MRPS31: variants seen among roughly 807,000 people sequenced by gnomAD.
MRPS31 encodes the protein mitochondrial ribosomal protein S31, also known as small ribosomal subunit protein mS31.
In MRPS31, 32 loss-of-function variants were observed where a neutral mutation model predicts 43.1. That is an observed-to-expected ratio of 0.74 (90% CI 0.56 to 1.00). The LOEUF is 1.00. Among genes scored for constraint, MRPS31 ranks in the 50% least tolerant of loss-of-function variants. MRPS31 has a pLI of 0.00. For synonymous variants in MRPS31, 165 were observed against 161.6 expected (o/e 1.02, Z -0.16); for missense variants, 437 against 466.7 (o/e 0.94, Z 0.59).
At chr13:40,732,996 T>C (rs1879747842) in intron 6 of MRPS31, among the ~76,000 whole-genome samples, 1 of 55,984 alleles carries the variant, frequency 1.8e-5, no homozygotes, top group Admixed American at 1.8e-4. Flanking sequence ...TGCATTTGGT[T>C]TTTTTTTTTT....
chr13:40,736,983 T>G (rs1169818655), intron 6 of MRPS31, among the ~76,000 whole-genome samples: 18 of 150,590 alleles, frequency 1.2e-4, no homozygotes, highest in South Asian at 4.2e-4. Flanking sequence ...AGACACAGAC[T>G]GGCAAATTGG....
rs764139174 is a variant in MRPS31 at position 40,745,718 on chromosome 13, G to A, written c.958+3420C>T. Among the ~76,000 whole-genome samples the A allele has an allele frequency of 2.0e-4, 31 of 151,780 alleles. 1 individual carries two copies. The highest frequency in any genetic ancestry group is 3.2e-4 in the Non-Finnish European group (22 of 67,974). On this transcript the variant is annotated intron_variant, in intron 6 of 6. Coordinates refer to ENST00000323563, the MANE Select transcript of MRPS31 (RefSeq NM_005830.4). ...TCAAATTACCACTTTCTTCTTTCAC[G>A]GATCATGTTTTTATGTTGTATTAAA... is the stretch of plus-strand genomic sequence containing the variant.
intron 6 of MRPS31, among the ~76,000 whole-genome samples, chr13:40,735,443 C>A (rs1473309796): frequency 6.6e-6 from 1 of 152,178 alleles, no homozygotes; most frequent in Non-Finnish European, 1.5e-5. Context: ...CTCAAGGAGG[C>A]CTGCCTGCCT....
chr13:40,756,657 G>T (rs1317761890), intron 4 of MRPS31, among the ~76,000 whole-genome samples: 1 of 152,178 alleles, frequency 6.6e-6, no homozygotes, highest in Non-Finnish European at 1.5e-5. Flanking sequence ...GGCCCGTTTT[G>T]ATTTCAGGTA....
intron 6 of MRPS31, among the ~76,000 whole-genome samples, chr13:40,733,512 A>T (rs1293141745): frequency 6.6e-6 from 1 of 152,238 alleles, no homozygotes; most frequent in African/African-American, 2.4e-5. Flanking sequence ...TGTCTAGAAC[A>T]ATGATTGTAA....
chr13:40,740,484 C>T (rs1255460193), intron 6 of MRPS31, among the ~76,000 whole-genome samples: 1 of 137,062 alleles, frequency 7.3e-6, no homozygotes, highest in African/African-American at 3.0e-5. Flanking sequence ...GACAAATGCA[C>T]ACGTATGTTT....
At chr13:40,749,007 A>T (rs1566107710) in intron 6 of MRPS31, 131 bp downstream of exon 6, 2 of 835,920 alleles carry the variant, frequency 2.4e-6, no homozygotes, top group Admixed American at 6.3e-5. Context: ...TGTCAGATTT[A>T]TTTTAGGACA....
At chr13:40,734,990 A>G (rs992982785) in intron 6 of MRPS31, among the ~76,000 whole-genome samples, 81 of 152,234 alleles carry the variant, frequency 5.3e-4, no homozygotes, top group African/African-American at 1.7e-3. Flanking sequence ...GACGCAGAAG[A>G]CGGGTGATTT....
intron 5 of MRPS31, among the ~76,000 whole-genome samples, chr13:40,752,946 G>T (rs569638683): frequency 6.6e-6 from 1 of 152,154 alleles, no homozygotes; most frequent in East Asian, 1.9e-4. Context: ...TGTTGCCCAG[G>T]CTGGTCTTGA....
intron 6 of MRPS31, among the ~76,000 whole-genome samples, chr13:40,742,867 C>T (rs1306577087): frequency 6.6e-6 from 1 of 152,166 alleles, no homozygotes; most frequent in Non-Finnish European, 1.5e-5. Context: ...AAGACTGAAA[C>T]TGGACCCCTA....
chr13:40,764,135 T>C (rs948818043), intron 2 of MRPS31, among the ~76,000 whole-genome samples: 5 of 152,220 alleles, frequency 3.3e-5, no homozygotes, highest in African/African-American at 1.2e-4. Context: ...CAGTTCACAG[T>C]AACATTACAG....
chr13:40,749,070 A>G, intron 6 of MRPS31, 68 bp downstream of exon 6: 1 of 1,490,722 alleles, frequency 6.7e-7, no homozygotes, highest in Non-Finnish European at 9.0e-7. Flanking sequence ...TCTATACTCT[A>G]AAAGTAAATA....
rs1206903531 is a variant in MRPS31 at position 40,771,172 on chromosome 13, A to G, written c.-36T>C. The G allele has an allele frequency of 1.3e-6, 2 of 1,558,702 alleles. No individual in the cohort carries two copies. The highest frequency in any genetic ancestry group is 2.7e-5 in the African/African-American group (2 of 73,094). ...CGAAATGAACCAAGAACACAACTGAAATGGTGCGTCCCGCTGCCAAACACG... is the reference window on the plus strand; with the variant it reads ...CGAAATGAACCAAGAACACAACTGAGATGGTGCGTCCCGCTGCCAAACACG... On this transcript the variant is annotated 5_prime_UTR_variant, in exon 1 of 7. Transcript: ENST00000323563.
At chr13:40,763,089 G>C (rs999510283) in intron 2 of MRPS31, among the ~76,000 whole-genome samples, 4 of 152,152 alleles carry the variant, frequency 2.6e-5, no homozygotes, top group African/African-American at 9.7e-5. Flanking sequence ...AAATGAATCA[G>C]GTTAAGAGGA....
At chr13:40,750,927 G>A (rs1174581974) in intron 5 of MRPS31, among the ~76,000 whole-genome samples, 2 of 151,730 alleles carry the variant, frequency 1.3e-5, no homozygotes, top group Non-Finnish European at 2.9e-5. Flanking sequence ...AACAGTTTCC[G>A]GGTTAGAGGC....
chr13:40,758,981 C>A lies in MRPS31; in HGVS notation c.566G>T (p.Arg189Met). 6.2e-7 allele frequency: 1 copy of A among 1,606,352 alleles called. No individual in the cohort carries two copies. The highest frequency in any genetic ancestry group is 8.5e-7 in the Non-Finnish European group (1 of 1,177,646). ...SQLQQHEEESRAQRDAKRPKI... is the reference protein window; with the variant it reads ...SQLQQHEEESMAQRDAKRPKI... The stretch of plus-strand genomic sequence containing the variant: ...AGGTCGCTTTGCATCTCTCTGTGCC[C>A]TTGACTCTTCCTCATGCTGCTGGAG... Residue 189 changes from arginine (R) to methionine (M), a missense_variant, in exon 3 of 7, where the codon AGG becomes ATG. By Grantham distance (91) the Arg-to-Met change is moderately conservative. Transcript: ENST00000323563.
chr13:40,757,479 C>T (rs1593276085), intron 3 of MRPS31, among the ~76,000 whole-genome samples: 1 of 116,504 alleles, frequency 8.6e-6, no homozygotes, highest in African/African-American at 3.4e-5. Flanking sequence ...GAGTTTCACT[C>T]TGTTGCCCAG....
intron 2 of MRPS31, among the ~76,000 whole-genome samples, chr13:40,763,816 C>T (rs1880768731): frequency 6.6e-6 from 1 of 152,194 alleles, no homozygotes; most frequent in Non-Finnish European, 1.5e-5. Flanking sequence ...ATACAGCTTT[C>T]ACTTCCATCT....
At chr13:40,731,654 T>C (rs1879704916) in intron 6 of MRPS31, among the ~76,000 whole-genome samples, 1 of 151,250 alleles carries the variant, frequency 6.6e-6, no homozygotes, top group Non-Finnish European at 1.5e-5. Context: ...AAAATAATAC[T>C]TTAAATGTAA....
Sources: allele counts gnomAD v4.1 joint callset (sites outside exome capture counted in the v4.1 genomes callset), GRCh38; gene constraint gnomAD v4.1.1; transcripts MANE v1.5; gene names NCBI Gene and HGNC (gene_info 2026-07-23, HGNC 2026-07-21).